The following PRKAG2 variants were observed in gnomAD, a reference collection of about 807,000 sequenced individuals.
PRKAG2 encodes 5'-AMP-activated protein kinase subunit gamma-2.
A neutral mutation model predicts 69.6 loss-of-function variants in PRKAG2; 26 were observed. The observed-to-expected ratio is 0.37, with a 90% confidence interval of 0.27 to 0.52. PRKAG2 has a LOEUF of 0.52. Among genes scored for constraint, PRKAG2 ranks in the 20% least tolerant of loss-of-function variants. The pLI, the probability that PRKAG2 is intolerant of heterozygous loss-of-function variation, is 0.90. For missense variants in PRKAG2, 557 were observed against 740.0 expected (o/e 0.75, Z 2.87); for synonymous variants, 293 against 285.0 (o/e 1.03, Z -0.28).
chr7:151,593,572 G>A lies in PRKAG2; in HGVS notation c.864+1773C>T, dbSNP rs77755913. On this transcript the variant is annotated intron_variant, in intron 6 of 15. Coordinates refer to ENST00000287878, the MANE Select transcript of PRKAG2 (RefSeq NM_016203.4). ...ATTTTAAAAAGTAAACCTTCTGGGG[G>A]ATGGGCGTGAGGCTGAAATAGGTTG... is the stretch of plus-strand genomic sequence containing the variant. Among the ~76,000 whole-genome samples, 419 of 152,310 alleles carry A rather than the reference G, an allele frequency of 2.8e-3. 12 individuals are homozygous for A. In the East Asian group the frequency reaches 0.064, roughly 23 times the overall value.
intron 15 of PRKAG2, chr7:151,559,886 T>C: frequency 7.1e-6 from 7 of 985,246 alleles, no homozygotes; most frequent in Non-Finnish European, 8.4e-6. Context: ...TTAAGAACTC[T>C]CAAGCCCACC....
At chr7:151,742,742 G>A (rs11768438) in intron 3 of PRKAG2, among the ~76,000 whole-genome samples, 40,439 of 152,106 alleles carry the variant, frequency 0.27, 5,888 homozygotes, top group East Asian at 0.35. Flanking sequence ...TGGGTACACC[G>A]TACTCTGGAA....
intron 1 of PRKAG2, among the ~76,000 whole-genome samples, chr7:151,864,610 T>C (rs2080016015): frequency 6.6e-6 from 1 of 152,218 alleles, no homozygotes; most frequent in African/African-American, 2.4e-5. Context: ...AATCTCAAAA[T>C]ACACCTAACA....
chr7:151,591,938 C>G (rs1391173823), intron 6 of PRKAG2, among the ~76,000 whole-genome samples: 1 of 152,152 alleles, frequency 6.6e-6, no homozygotes, highest in African/African-American at 2.4e-5. Flanking sequence ...AAGCTAGCCA[C>G]GAGATGCGGA....
rs2151895284 is a variant in PRKAG2 at position 151,850,692 on chromosome 7, T to C, written c.114+25815A>G. Reference sequence around the variant, plus strand: ...ACATGGCCCTTGTGCCCCACCAGCATCCACCCGCCCCACCGGCTTCTGCCA... The same window carrying C: ...ACATGGCCCTTGTGCCCCACCAGCACCCACCCGCCCCACCGGCTTCTGCCA... On this transcript the variant is annotated intron_variant, in intron 1 of 15. Transcript: ENST00000287878. This position sits in a 1 kb window ranked among gnomAD's most constrained non-coding sequence, Gnocchi z 4.1. Among the ~76,000 whole-genome samples, 1 of 152,286 alleles carries C rather than the reference T, an allele frequency of 6.6e-6. No homozygotes were observed. The highest frequency in any genetic ancestry group is 1.5e-5 in the Non-Finnish European group (1 of 68,020).
chr7:151,679,714 C>T (rs1036202458), intron 3 of PRKAG2, among the ~76,000 whole-genome samples: 2 of 152,188 alleles, frequency 1.3e-5, no homozygotes, highest in Non-Finnish European at 2.9e-5. Context: ...TCTCTAAAGC[C>T]TCCTCCATGG....
chr7:151,657,149 G>T (rs71539893), intron 4 of PRKAG2, among the ~76,000 whole-genome samples: 4 of 150,362 alleles, frequency 2.7e-5, no homozygotes, highest in African/African-American at 7.5e-5. Context: ...AAAAAAAAAG[G>T]GGGGGTGGTT....
intron 5 of PRKAG2, among the ~76,000 whole-genome samples, chr7:151,607,038 T>A (rs1188775744): frequency 3.3e-5 from 5 of 152,192 alleles, no homozygotes; most frequent in African/African-American, 9.7e-5. Context: ...TGCAGACTGA[T>A]GTTAAATCTC....
At chr7:151,792,768 C>A (rs2077323815) in intron 1 of PRKAG2, among the ~76,000 whole-genome samples, 2 of 152,236 alleles carry the variant, frequency 1.3e-5, no homozygotes, top group Admixed American at 1.3e-4. Context: ...ACCGAGGAAG[C>A]AACACATCGA....
intron 9 of PRKAG2, among the ~76,000 whole-genome samples, chr7:151,571,877 A>G (rs79901758): frequency 0.15 from 22,157 of 152,194 alleles, 1,729 homozygotes; most frequent in African/African-American, 0.18. Flanking sequence ...TGGGAAACAC[A>G]GAACCAAACT....
chr7:151,632,498 G>T lies in PRKAG2; in HGVS notation c.685-360C>A. On this transcript the variant is annotated intron_variant, in intron 4 of 15. Transcript: ENST00000287878. The surrounding 1 kb of genome is among the most constrained non-coding windows in gnomAD (Gnocchi z 4.2). ...GGGCGCCCCCCTCCGGCCGTGGCCC[G>T]CGTCCTCCCCGCCGTGCCGCCATTG... 1.2e-6 allele frequency: 1 copy of T among 869,444 alleles called. No homozygotes were observed. Among genetic ancestry groups the T allele is most frequent in the Non-Finnish European group, 1.4e-6 (1 of 725,110 alleles). The allele number at this position is 869,444 out of a possible 1,614,324, so 53.9% of individuals were successfully genotyped here. A position where few individuals can be genotyped will look rare whatever the true frequency, so the allele number is the denominator to read the frequency against.
At chr7:151,625,079 A>C (rs1160670369) in intron 5 of PRKAG2, among the ~76,000 whole-genome samples, 1 of 152,208 alleles carries the variant, frequency 6.6e-6, no homozygotes. Context: ...CTTACAATGT[A>C]ATGGCAAATA....
intron 6 of PRKAG2, among the ~76,000 whole-genome samples, chr7:151,590,354 C>T (rs1812755109): frequency 6.6e-6 from 1 of 152,216 alleles, no homozygotes; most frequent in African/African-American, 2.4e-5. Context: ...AAATCAAACA[C>T]AAAGCATAAC....
intron 1 of PRKAG2, among the ~76,000 whole-genome samples, chr7:151,875,328 G>A (rs747691773): frequency 6.6e-6 from 1 of 152,182 alleles, no homozygotes; most frequent in African/African-American, 2.4e-5. Flanking sequence ...CGTGTGGGCC[G>A]GAGTTTACAC....
intron 1 of PRKAG2, among the ~76,000 whole-genome samples, chr7:151,804,550 C>T (rs1246780875): frequency 6.6e-6 from 1 of 152,098 alleles, no homozygotes; most frequent in African/African-American, 2.4e-5. Context: ...TGGGTGGGGA[C>T]ACGGATGTCA....
At chr7:151,804,893 G>A (rs1429744088) in intron 1 of PRKAG2, among the ~76,000 whole-genome samples, 7 of 152,132 alleles carry the variant, frequency 4.6e-5, no homozygotes, top group African/African-American at 1.7e-4. Flanking sequence ...GGAGTTTTCT[G>A]GGATGTCTAT....
intron 1 of PRKAG2, among the ~76,000 whole-genome samples, chr7:151,838,397 T>C (rs112403958): frequency 0.027 from 4,103 of 151,842 alleles, 191 homozygotes; most frequent in African/African-American, 0.095. Context: ...TCTCACCTGA[T>C]TTGACACAAG....
At chr7:151,559,642 G>C in intron 15 of PRKAG2, 2 of 985,060 alleles carry the variant, frequency 2.0e-6, no homozygotes, top group South Asian at 9.4e-5. Context: ...AGGTATTTTT[G>C]GGTTACAGAC....
At chr7:151,809,269 G>A (rs1042206734) in intron 1 of PRKAG2, 9 of 456,550 alleles carry the variant, frequency 2.0e-5, no homozygotes, top group Admixed American at 7.0e-5. Flanking sequence ...AGGCCAGCCC[G>A]GCCCCTTCCC....
Sources: allele counts gnomAD v4.1 joint callset (sites outside exome capture counted in the v4.1 genomes callset), GRCh38; gene constraint gnomAD v4.1.1; non-coding constraint Gnocchi (gnomAD v3.1); transcripts MANE v1.5; gene names NCBI Gene and HGNC (gene_info 2026-07-23, HGNC 2026-07-21).